The following ASPSCR1 variants were observed in gnomAD, a reference collection of about 807,000 sequenced individuals.
ASPSCR1 encodes tether containing UBX domain for GLUT4.
Under a neutral mutation model 68.9 loss-of-function variants are expected in ASPSCR1, and 55 were observed. The observed-to-expected ratio is 0.80, with a 90% CI of 0.64 to 1.00. The LOEUF (loss-of-function observed/expected upper bound fraction) is 1.00. Among genes scored for constraint, ASPSCR1 ranks in the 50% least tolerant of loss-of-function variants. ASPSCR1 has a pLI of 0.00. For missense variants in ASPSCR1, 765 were observed against 762.2 expected (o/e 1.00, Z -0.04); for synonymous variants, 352 against 332.6 (o/e 1.06, Z -0.63).
At chr17:81,979,848 A>G (rs1005321919) in intron 2 of ASPSCR1, among the ~76,000 whole-genome samples, 1 of 152,200 alleles carries the variant, frequency 6.6e-6, no homozygotes, top group Non-Finnish European at 1.5e-5. Context: ...TATTGTTCCC[A>G]AGAGAGGGCT....
chr17:81,983,649 G>A lies in ASPSCR1; in HGVS notation c.254G>A (p.Arg85His), dbSNP rs746796412. 4.7e-5 allele frequency: 75 copies of A among 1,612,290 alleles called. No individual in the cohort carries two copies. The highest frequency in any genetic ancestry group is 1.6e-4 in the Middle Eastern group (1 of 6,080). The change falls in exon 3 of 16, where the codon CGT (arginine) becomes CAT (histidine). Residue 85 changes from arginine to histidine, a missense_variant. Transcript: ENST00000306739. This position sits in a 1 kb window ranked among gnomAD's most constrained non-coding sequence, Gnocchi z 4.4. ...KLEMVPASRS[R>H]EGPENMVRIA... ...GAGATGGTGCCCGCTTCCCGGAGCC[G>A]TGAGGGGCCTGAGAACATGGTGGGT...
Position 82,012,358 on chromosome 17 carries a change from G to T in ASPSCR1, c.1353+75G>T, listed in dbSNP as rs540894901. On this transcript the variant is annotated intron_variant, in intron 12 of 15. Transcript: ENST00000306739. ...GGCAGGACGAGAGCGTGAGGCCTCG[G>T]GCAGGAAGGAGGGGCCTGGCAGGCG... 9.2e-6 allele frequency: 14 copies of T among 1,518,128 alleles called. No individual in the cohort carries two copies. In the Admixed American group the frequency reaches 1.2e-4, roughly 13 times the overall value. The allele number at this position is 1,518,128 out of a possible 1,614,324, so 94.0% of individuals were successfully genotyped here. A position where few individuals can be genotyped will look rare whatever the true frequency, so the allele number is the denominator to read the frequency against.
At chr17:81,989,980 A>G (rs538560169) in intron 4 of ASPSCR1, among the ~76,000 whole-genome samples, 83 of 152,216 alleles carry the variant, frequency 5.5e-4, no homozygotes, top group African/African-American at 1.9e-3. Context: ...TAGTAGAGAC[A>G]GGGTTTCACC....
chr17:82,003,543 G>T (rs2144067593), intron 7 of ASPSCR1, among the ~76,000 whole-genome samples: 1 of 152,378 alleles, frequency 6.6e-6, no homozygotes, highest in East Asian at 1.9e-4. Context: ...CATCGGTGCG[G>T]ATGCTGTGCT....
At chr17:81,988,420 A>C (rs1371779003) in intron 4 of ASPSCR1, among the ~76,000 whole-genome samples, 5 of 148,472 alleles carry the variant, frequency 3.4e-5, no homozygotes, top group Admixed American at 6.9e-5. Context: ...GCGCCACTGC[A>C]CTCCAGCCTG....
intron 7 of ASPSCR1, among the ~76,000 whole-genome samples, chr17:81,997,132 C>T (rs919957153): frequency 1.3e-5 from 2 of 152,280 alleles, no homozygotes; most frequent in East Asian, 1.9e-4. Flanking sequence ...GTGTGGGCTC[C>T]GGGATGAGGC....
intron 3 of ASPSCR1, among the ~76,000 whole-genome samples, chr17:81,984,520 T>C (rs1598388144): frequency 6.6e-6 from 1 of 150,572 alleles, no homozygotes; most frequent in Non-Finnish European, 1.5e-5. Flanking sequence ...GAGCTTGCAG[T>C]GAGCCGAGAT....
At chr17:82,014,437 AGGCACCGTGGTGCCTTCTCTCTCCCG>A (rs1402658790) in intron 12 of ASPSCR1, 5 of 154,410 alleles carry the variant, frequency 3.2e-5, no homozygotes, top group African/African-American at 4.8e-5. Flanking sequence ...CTCCCTGCCC[AGGCACCGTGGTGCCTTCTCTCTCCCG>A]GGCACCGTGG....
rs930713998 is a variant in ASPSCR1, at chr17:81,984,490, T to G, written c.273+822T>G. On this transcript the variant is annotated intron_variant, in intron 3 of 15. Transcript: ENST00000306739. ...TACTCAGCAGGCTGAGGCAGGAGAA[T>G]GGCGTGAACCCGGGAGGCGGAGCTT... 1.1e-4 allele frequency among the ~76,000 whole-genome samples: 16 copies of G among 151,426 alleles called. 1 individual carries two copies. In the East Asian group the frequency reaches 3.1e-3, roughly 30 times the overall value.
chr17:81,994,746 C>A, intron 4 of ASPSCR1, 75 bp from the exon 5 acceptor site: 1 of 1,486,516 alleles, frequency 6.7e-7, no homozygotes, highest in Non-Finnish European at 9.3e-7. Context: ...CTTTCCGAGT[C>A]TCCTGCCCCA....
chr17:82,008,389 G>A (rs1259076966), intron 7 of ASPSCR1: 1 of 152,382 alleles, frequency 6.6e-6, no homozygotes, highest in East Asian at 1.9e-4. Flanking sequence ...TGTGAGGGGG[G>A]ACGGGGCCGA....
chr17:82,008,582 C>A lies in ASPSCR1; in HGVS notation c.934-455C>A, dbSNP rs374009388. On this transcript the variant is annotated intron_variant, in intron 7 of 15. Coordinates refer to ENST00000306739, the MANE Select transcript of ASPSCR1 (RefSeq NM_024083.4). The stretch of plus-strand genomic sequence containing the variant: ...CAGGGTGGGCAGAGGGAGGGGCCGG[C>A]TTGTTCCCTGGGGGCAGGCGTGCAT... The A allele has an allele frequency of 1.2e-3, 186 of 159,510 alleles. 1 individual carries two copies. The highest frequency in any genetic ancestry group is 4.2e-3 in the African/African-American group (176 of 41,832). 9.9% of individuals were successfully genotyped at this position (159,510 alleles called of 1,614,324 possible).
At chr17:81,992,697 C>G (rs555230655) in intron 4 of ASPSCR1, among the ~76,000 whole-genome samples, 13 of 152,340 alleles carry the variant, frequency 8.5e-5, no homozygotes, top group African/African-American at 3.1e-4. Flanking sequence ...GGTTCTGCTC[C>G]GGCGCATTTT....
At chr17:81,996,977 C>T in intron 7 of ASPSCR1, 131 bp downstream of exon 7, 3 of 1,492,334 alleles carry the variant, frequency 2.0e-6, no homozygotes, top group Non-Finnish European at 2.7e-6. Context: ...CGCAGAGGAA[C>T]CCAAACGCGG....
intron 12 of ASPSCR1, among the ~76,000 whole-genome samples, chr17:82,012,496 G>T (rs550682656): frequency 4.6e-5 from 7 of 152,142 alleles, no homozygotes. Context: ...GCCTGGCCCC[G>T]GGTGGGAAAG....
intron 10 of ASPSCR1, 139 bp from the exon 11 acceptor site, chr17:82,011,404 G>C: frequency 1.2e-6 from 1 of 819,928 alleles, no homozygotes; most frequent in South Asian, 1.8e-5. Context: ...AGCACCTGGA[G>C]TGCTGTGGGA....
chr17:81,979,114 C>T (rs1353034778), intron 1 of ASPSCR1, 70 bp from the exon 2 acceptor site: 5 of 1,550,510 alleles, frequency 3.2e-6, no homozygotes, highest in Non-Finnish European at 1.8e-6. Context: ...ATGCCCTTGG[C>T]TGACCTGGCC....
In ASPSCR1 at chr17:82,011,209, G is replaced by A. The variant is rs375427472; in HGVS notation, c.1238-334G>A. Among the ~76,000 whole-genome samples the A allele has an allele frequency of 3.7e-4, 57 of 152,126 alleles. No homozygotes were observed. The South Asian group carries it at 9.3e-3, about 25-fold the overall frequency. On this transcript the variant is annotated intron_variant, in intron 10 of 15. Transcript: ENST00000306739. The stretch of plus-strand genomic sequence containing the variant: ...GGGCAGTGGTGCTGTGACATTCAGG[G>A]GCTTGTGACCTGTACCCAGACGGCC...
intron 7 of ASPSCR1, among the ~76,000 whole-genome samples, chr17:81,998,984 G>A (rs2042443555): frequency 6.6e-6 from 1 of 152,214 alleles, no homozygotes; most frequent in Non-Finnish European, 1.5e-5. Context: ...CGTGTCTGTG[G>A]GGTCCCTGGC....
Sources: allele counts gnomAD v4.1 joint callset (sites outside exome capture counted in the v4.1 genomes callset), GRCh38; gene constraint gnomAD v4.1.1; non-coding constraint Gnocchi (gnomAD v3.1); transcripts MANE v1.5; gene names NCBI Gene and HGNC (gene_info 2026-07-23, HGNC 2026-07-21).